The following VEZT variants were observed in gnomAD, a reference collection of about 807,000 sequenced individuals.
VEZT encodes the protein vezatin, adherens junctions transmembrane protein, also known as vezatin.
Under a neutral mutation model 79.9 loss-of-function variants are expected in VEZT, and 39 were observed. The observed-to-expected ratio is 0.49, with a 90% CI of 0.38 to 0.64. The LOEUF (loss-of-function observed/expected upper bound fraction) is 0.64, where lower values mean the gene tolerates loss of function less well. VEZT is among the 30% of genes least tolerant of loss of function. The pLI, the probability that VEZT is intolerant of heterozygous loss-of-function variation, is 0.00. For missense variants in VEZT, 837 were observed against 893.1 expected (o/e 0.94, Z 0.80); for synonymous variants, 325 against 327.6 (o/e 0.99, Z 0.09).
At chr12:95,242,595 C>T (rs150996007) in intron 1 of VEZT, among the ~76,000 whole-genome samples, 18 of 152,028 alleles carry the variant, frequency 1.2e-4, no homozygotes, top group East Asian at 5.8e-4. Context: ...TAAAATGGGC[C>T]GGGCGTGGTG....
At chr12:95,279,525 A>G (rs777887969) in intron 7 of VEZT, among the ~76,000 whole-genome samples, 1 of 152,234 alleles carries the variant, frequency 6.6e-6, no homozygotes, top group Non-Finnish European at 1.5e-5. Context: ...TTATCCAAAG[A>G]ACAAACAGGA....
intron 3 of VEZT, chr12:95,258,185 G>T (rs1332666012): frequency 2.2e-6 from 1 of 449,398 alleles, no homozygotes; most frequent in Non-Finnish European, 4.5e-6. Flanking sequence ...TTTGTTGAAG[G>T]TGTATTGAGA....
chr12:95,262,911 T>G lies in VEZT; in HGVS notation c.264T>G (p.Ile88Met). The stretch of plus-strand genomic sequence containing the variant: ...TCTGGTATTTTAATGGCAAGGATAT[T>G]GGATTCCGACTCGACTCATTACATA... Reference protein sequence around the residue: ...KKDDLLHKLDIGFRLDSLHTI... With the variant: ...KKDDLLHKLDMGFRLDSLHTI... The change falls in exon 4 of 12, where the codon ATT becomes ATG. Residue 88 changes from isoleucine to methionine, a missense_variant. By Grantham distance (10) the Ile-to-Met change is conservative. Transcript: ENST00000436874. The G allele has an allele frequency of 1.3e-6, 2 of 1,587,956 alleles. No individual in the cohort carries two copies. The highest frequency in any genetic ancestry group is 1.7e-6 in the Non-Finnish European group (2 of 1,161,882).
At chr12:95,252,455 G>A (rs1201693426) in intron 2 of VEZT, 1 of 154,394 alleles carries the variant, frequency 6.5e-6, no homozygotes, top group Non-Finnish European at 1.4e-5. Context: ...AACGCAAATT[G>A]ATATTTCTTA....
chr12:95,296,442 T>C (rs1269821407), intron 11 of VEZT, 184 bp downstream of exon 11: 7 of 438,906 alleles, frequency 1.6e-5, no homozygotes, highest in South Asian at 7.8e-5. Flanking sequence ...TGTAACCACA[T>C]TGGAAATATG....
Position 95,300,412 on chromosome 12 carries a change from A to T in VEZT, c.2079A>T (p.Gln693His), listed in dbSNP as rs747113614. ...PQGAEERMCY[Q>H]CESEDEPQAD... ...GAGCAGAAGAAAGAATGTGTTACCAATGTGAGAGTGAAGATGAACCACAAG... is the reference window on the plus strand; with the variant it reads ...GAGCAGAAGAAAGAATGTGTTACCATTGTGAGAGTGAAGATGAACCACAAG... Residue 693 changes from glutamine (Q) to histidine (H), a missense_variant, in exon 12 of 12, where the codon CAA (glutamine) becomes CAT (histidine). By Grantham distance (24) the Gln-to-His change is conservative (BLOSUM62 0). Transcript: ENST00000436874. 12 of 1,613,912 alleles carry T rather than the reference A, an allele frequency of 7.4e-6. No individual in the cohort carries two copies. The highest frequency in any genetic ancestry group is 9.3e-6 in the Non-Finnish European group (11 of 1,179,904).
intron 1 of VEZT, among the ~76,000 whole-genome samples, chr12:95,247,869 A>G (rs1485373035): frequency 6.6e-6 from 1 of 152,214 alleles, no homozygotes; most frequent in East Asian, 1.9e-4. Context: ...GTTAGGAAGT[A>G]ATATGATTTG....
chr12:95,268,885 C>T (rs1273444195), intron 5 of VEZT, among the ~76,000 whole-genome samples: 2 of 152,136 alleles, frequency 1.3e-5, no homozygotes, highest in Non-Finnish European at 2.9e-5. Context: ...AGCAGTAGTG[C>T]CATATATTGA....
At chr12:95,273,310 T>A (rs2067006117) in intron 6 of VEZT, among the ~76,000 whole-genome samples, 2 of 152,220 alleles carry the variant, frequency 1.3e-5, no homozygotes, top group African/African-American at 4.8e-5. Context: ...AGGGACTGTG[T>A]GTTTATACAG....
chr12:95,226,221 T>C (rs1327517657), intron 1 of VEZT, among the ~76,000 whole-genome samples: 1 of 152,176 alleles, frequency 6.6e-6, no homozygotes, highest in Non-Finnish European at 1.5e-5. Context: ...CCCTGATTTA[T>C]ATCTAGAATC....
At chr12:95,263,180 C>A in intron 4 of VEZT, 99 bp downstream of exon 4, 1 of 1,093,678 alleles carries the variant, frequency 9.1e-7, no homozygotes, top group Non-Finnish European at 1.3e-6. Context: ...CATAAACATT[C>A]CATACATTTA....
At chr12:95,244,225 T>A (rs2061431167) in intron 1 of VEZT, among the ~76,000 whole-genome samples, 1 of 151,828 alleles carries the variant, frequency 6.6e-6, no homozygotes, top group Non-Finnish European at 1.5e-5. Flanking sequence ...AGACCCTGTC[T>A]CTAAAATAAA....
intron 1 of VEZT, among the ~76,000 whole-genome samples, chr12:95,246,496 G>A (rs2061743276): frequency 6.6e-6 from 1 of 152,188 alleles, no homozygotes; most frequent in South Asian, 2.1e-4. Flanking sequence ...GGACTTGGAT[G>A]AGACATTTTC....
intron 7 of VEZT, among the ~76,000 whole-genome samples, chr12:95,280,524 T>TACACACAC (rs10611290): frequency 8.0e-5 from 11 of 137,642 alleles, no homozygotes; most frequent in South Asian, 2.5e-4. Flanking sequence ...TTCATATGTG[T>TACACACAC]ACACACACAC....
At chr12:95,244,210 T>C (rs1462174181) in intron 1 of VEZT, among the ~76,000 whole-genome samples, 2 of 151,604 alleles carry the variant, frequency 1.3e-5, no homozygotes, top group East Asian at 3.9e-4. Context: ...CTGGGCAACA[T>C]AGTGAGACCC....
At position 95,294,668 on chromosome 12, in the gene VEZT, A is replaced by G. The variant is rs183937525; in HGVS notation, c.1623+296A>G. ...CTGAGTAGCAGTTACTGGTATGTGT[A>G]CATATGTAAAAATCCTGTGCACTTG... is the stretch of plus-strand genomic sequence containing the variant. On this transcript the variant is annotated intron_variant, in intron 10 of 11. Coordinates refer to ENST00000436874, the MANE Select transcript of VEZT (RefSeq NM_017599.4). Among the ~76,000 whole-genome samples the G allele has an allele frequency of 2.0e-5, 3 of 152,334 alleles. No individual in the cohort carries two copies. The East Asian group carries it at 5.8e-4, about 29-fold the overall frequency.
intron 1 of VEZT, among the ~76,000 whole-genome samples, chr12:95,225,325 C>T (rs1359801294): frequency 1.3e-5 from 2 of 152,044 alleles, no homozygotes; most frequent in South Asian, 4.2e-4. Flanking sequence ...GAGTCCGAGG[C>T]GGGCGGATCA....
At chr12:95,275,584 A>G (rs1008140092) in intron 7 of VEZT, among the ~76,000 whole-genome samples, 5 of 152,220 alleles carry the variant, frequency 3.3e-5, no homozygotes, top group African/African-American at 1.2e-4. Context: ...TCTCAAAAAA[A>G]AAAAAAGTAA....
rs2064821824 is a variant in VEZT at position 95,262,976 on chromosome 12, A to C, written c.329A>C (p.Glu110Ala). 2 of 1,613,346 alleles carry C rather than the reference A, an allele frequency of 1.2e-6. No homozygotes were observed. The highest frequency in any genetic ancestry group is 2.7e-5 in the African/African-American group (2 of 74,926). The change falls in exon 4 of 12, where the codon GAG becomes GCG. Residue 110 changes from glutamate (E) to alanine (A), a missense_variant. Coordinates refer to ENST00000436874, the MANE Select transcript of VEZT (RefSeq NM_017599.4). ...GAAGTCCTGTTACAAGAGGATGTGG[A>C]GCTGATTGAGCTACTTGATCCCAGT... ...QQEVLLQEDVELIELLDPSIL... is the reference protein window; with the variant it reads ...QQEVLLQEDVALIELLDPSIL...
Sources: gnomAD v4.1 joint callset for allele counts (sites outside exome capture counted in the v4.1 genomes callset) on GRCh38, gnomAD v4.1.1 for gene constraint, MANE v1.5 for transcripts, NCBI Gene and HGNC (gene_info 2026-07-23, HGNC 2026-07-21) for gene names.